BANK1: variants seen among roughly 807,000 people sequenced by gnomAD.
The protein encoded by BANK1 is B-cell scaffold protein with ankyrin repeats.
A neutral mutation model predicts 94.5 loss-of-function variants in BANK1; 95 were observed. The ratio of observed to expected loss-of-function variants is 1.00; its 90% CI spans 0.85 to 1.19. The LOEUF (loss-of-function observed/expected upper bound fraction) is 1.19, where lower values mean the gene tolerates loss of function less well. BANK1 is among the 50% of genes most tolerant of loss of function. The pLI is 0.00. For missense variants in BANK1, 987 were observed against 932.2 expected, an observed-to-expected ratio of 1.06 and a Z score of -0.77; for synonymous variants, 334 against 308.4, an observed-to-expected ratio of 1.08 and a Z score of -0.87.
At chr4:101,807,053 A>T (rs1725577793) in intron 1 of BANK1, among the ~76,000 whole-genome samples, 1 of 152,242 alleles carries the variant, frequency 6.6e-6, no homozygotes, top group Non-Finnish European at 1.5e-5. Flanking sequence ...TTCTTTAGCA[A>T]CCGGGGGTGA....
At chr4:101,921,587 C>A (rs576365024) in intron 7 of BANK1, among the ~76,000 whole-genome samples, 3 of 151,898 alleles carry the variant, frequency 2.0e-5, no homozygotes, top group Non-Finnish European at 4.4e-5. Flanking sequence ...GTCACCCCAT[C>A]CATTCCCATC....
chr4:102,007,075 TATATAA>T (rs1410302115), intron 7 of BANK1, among the ~76,000 whole-genome samples: 1 of 99,406 alleles, frequency 1.0e-5, no homozygotes, highest in Non-Finnish European at 2.2e-5. Context: ...ATTTTATATA[TATATAA>T]ATATATATAT....
chr4:101,991,188 A>T (rs1037484221), intron 7 of BANK1, among the ~76,000 whole-genome samples: 5 of 152,110 alleles, frequency 3.3e-5, no homozygotes, highest in South Asian at 4.1e-4. Flanking sequence ...GTTCTCTGAG[A>T]CTCCAAAGTC....
At chr4:101,935,876 A>C (rs1435320767) in intron 7 of BANK1, among the ~76,000 whole-genome samples, 1 of 151,596 alleles carries the variant, frequency 6.6e-6, no homozygotes, top group Non-Finnish European at 1.5e-5. Flanking sequence ...GAAGAATGAA[A>C]CTAGAACCCT....
chr4:101,922,617 C>T lies in BANK1; in HGVS notation c.1206+4428C>T, dbSNP rs141519719. Among the ~76,000 whole-genome samples, 299 of 151,826 alleles carry T rather than the reference C, an allele frequency of 2.0e-3. 10 individuals are homozygous for T. In the East Asian group the frequency reaches 0.051, roughly 26 times the overall value. On this transcript the variant is annotated intron_variant, in intron 7 of 16. Transcript: ENST00000322953. The stretch of plus-strand genomic sequence containing the variant: ...TAAATAAAATAATTGGTCATATTTC[C>T]TATACTTGGAATTTTTTTAAAGTTT...
At chr4:101,819,050 G>C (rs1726032876) in intron 1 of BANK1, among the ~76,000 whole-genome samples, 1 of 151,778 alleles carries the variant, frequency 6.6e-6, no homozygotes, top group Non-Finnish European at 1.5e-5. Flanking sequence ...ATACCTCTGT[G>C]GTACTCACAT....
At position 101,984,205 on chromosome 4, in the gene BANK1, C is replaced by T. The variant is rs536587918; in HGVS notation, c.1207-37309C>T. Among the ~76,000 whole-genome samples, 6 of 151,686 alleles carry T rather than the reference C, an allele frequency of 4.0e-5. No homozygotes were observed. In the East Asian group the frequency reaches 7.7e-4, roughly 20 times the overall value. ...AGGACATAAAAGACCTAAGAAAGCT[C>T]GAAAAAGAGGAATGAAAAGTTAAGA... is the stretch of plus-strand genomic sequence containing the variant. On this transcript the variant is annotated intron_variant, in intron 7 of 16. Coordinates refer to ENST00000322953, the MANE Select transcript of BANK1 (RefSeq NM_017935.5).
At chr4:101,842,489 G>A (rs980642515) in intron 2 of BANK1, among the ~76,000 whole-genome samples, 2 of 152,106 alleles carry the variant, frequency 1.3e-5, no homozygotes, top group Non-Finnish European at 2.9e-5. Context: ...AACACAAACA[G>A]AGGAGGCAAC....
At chr4:101,910,193 T>A (rs1722615729) in intron 6 of BANK1, among the ~76,000 whole-genome samples, 1 of 152,184 alleles carries the variant, frequency 6.6e-6, no homozygotes, top group Non-Finnish European at 1.5e-5. Flanking sequence ...ACAGTAGATC[T>A]GGGTTGGGTA....
intron 10 of BANK1, among the ~76,000 whole-genome samples, chr4:102,035,275 G>T (rs1007196121): frequency 1.3e-5 from 2 of 152,106 alleles, no homozygotes; most frequent in Admixed American, 1.3e-4. Context: ...AACTGCTTCC[G>T]CAAAGCTTAA....
chr4:102,037,449 G>A (rs896278816), intron 10 of BANK1, among the ~76,000 whole-genome samples: 3 of 152,180 alleles, frequency 2.0e-5, no homozygotes, highest in African/African-American at 7.2e-5. Flanking sequence ...TGTCTTTTTA[G>A]TCACTTTAGA....
At chr4:101,859,560 T>C (rs1325587037) in intron 3 of BANK1, among the ~76,000 whole-genome samples, 2 of 152,148 alleles carry the variant, frequency 1.3e-5, no homozygotes, top group Non-Finnish European at 2.9e-5. Context: ...AGCAAAACAA[T>C]AGCTTCGTAA....
intron 6 of BANK1, among the ~76,000 whole-genome samples, chr4:101,910,223 C>A (rs1011379632): frequency 2.6e-5 from 4 of 152,152 alleles, no homozygotes; most frequent in African/African-American, 9.7e-5. Context: ...ACATTTCTCA[C>A]AAATTTTTAT....
At chr4:101,987,826 G>A (rs1725568194) in intron 7 of BANK1, among the ~76,000 whole-genome samples, 1 of 152,162 alleles carries the variant, frequency 6.6e-6, no homozygotes, top group African/African-American at 2.4e-5. Flanking sequence ...TATACTTCCT[G>A]TATCCTGATG....
At chr4:101,904,679 C>A (rs969596046) in intron 6 of BANK1, among the ~76,000 whole-genome samples, 1 of 152,150 alleles carries the variant, frequency 6.6e-6, no homozygotes, top group Non-Finnish European at 1.5e-5. Flanking sequence ...GGAATTAGAA[C>A]TTGTGTTCCC....
In BANK1 at chr4:101,892,907, G is replaced by A. The variant is rs188314199; in HGVS notation, c.904-2398G>A. Among the ~76,000 whole-genome samples the A allele has an allele frequency of 2.9e-4, 44 of 151,984 alleles. No individual in the cohort carries two copies. The East Asian group carries it at 6.0e-3, about 21-fold the overall frequency. On this transcript the variant is annotated intron_variant, in intron 5 of 16. Coordinates refer to ENST00000322953, the MANE Select transcript of BANK1 (RefSeq NM_017935.5). ...ACTCCAGTCAGATATTTTTGGTTAG[G>A]TTGTCTTCTAAGGAGAAATCTTGGA...
intron 1 of BANK1, among the ~76,000 whole-genome samples, chr4:101,820,718 A>T (rs752896048): frequency 2.0e-5 from 3 of 152,160 alleles, no homozygotes; most frequent in Non-Finnish European, 4.4e-5. Context: ...AAGTGAGAAC[A>T]TGTGGTATTT....
chr4:102,063,787 C>G (rs923507211), intron 13 of BANK1, among the ~76,000 whole-genome samples: 3 of 149,506 alleles, frequency 2.0e-5, no homozygotes, highest in Non-Finnish European at 4.4e-5. Flanking sequence ...GCATTACACG[C>G]CAGCCTGGGT....
intron 2 of BANK1, among the ~76,000 whole-genome samples, chr4:101,847,058 T>G (rs1727276411): frequency 6.6e-6 from 1 of 152,178 alleles, no homozygotes; most frequent in Admixed American, 6.6e-5. Flanking sequence ...CTCATTAGAT[T>G]GCAAGTCGTA....
Sources: gnomAD v4.1 joint callset for allele counts (sites outside exome capture counted in the v4.1 genomes callset) on GRCh38, gnomAD v4.1.1 for gene constraint, MANE v1.5 for transcripts, NCBI Gene and HGNC (gene_info 2026-07-23, HGNC 2026-07-21) for gene names.